CCDC91: variants seen among roughly 807,000 people sequenced by gnomAD.
CCDC91 encodes the protein coiled-coil domain containing 91, also known as coiled-coil domain-containing protein 91.
CCDC91 carries 48 observed loss-of-function variants against 63.2 expected under a neutral mutation model. The observed-to-expected ratio is 0.76, with a 90% CI of 0.60 to 0.97. CCDC91 has a LOEUF of 0.97. Ranked by LOEUF, CCDC91 falls within the 50% of genes least tolerant of loss-of-function variation. CCDC91 has a pLI of 0.00. For missense variants in CCDC91, 500 were observed against 494.6 expected (o/e 1.01, Z -0.10); for synonymous variants, 167 against 165.8 (o/e 1.01, Z -0.06).
chr12:28,504,874 G>A (rs1157944675), intron 12 of CCDC91, among the ~76,000 whole-genome samples: 1 of 151,942 alleles, frequency 6.6e-6, no homozygotes, highest in African/African-American at 2.4e-5. Context: ...AAATTTACCT[G>A]TAGAAATTCT....
intron 1 of CCDC91, among the ~76,000 whole-genome samples, chr12:28,199,355 CCCTT>C (rs532343035): frequency 7.0e-4 from 106 of 152,096 alleles, no homozygotes; most frequent in African/African-American, 2.5e-3. Context: ...ATATTCCCTC[CCCTT>C]CCTTCATGCT....
chr12:28,377,834 T>G (rs573624686), intron 7 of CCDC91, among the ~76,000 whole-genome samples: 6 of 152,064 alleles, frequency 3.9e-5, no homozygotes, highest in African/African-American at 1.4e-4. Context: ...CTTGACTAAG[T>G]TGGTGATCTT....
At chr12:28,493,465 C>T (rs1952118192) in intron 12 of CCDC91, among the ~76,000 whole-genome samples, 1 of 151,620 alleles carries the variant, frequency 6.6e-6, no homozygotes, top group Non-Finnish European at 1.5e-5. Flanking sequence ...GAACTTTGGT[C>T]ACATGTGTAT....
chr12:28,439,733 CTTT>C (rs71438747), intron 8 of CCDC91, among the ~76,000 whole-genome samples: 1 of 133,010 alleles, frequency 7.5e-6, no homozygotes, highest in Non-Finnish European at 1.6e-5. Context: ...TTTCTTTTTT[CTTT>C]TTTTTTTTTT....
chr12:28,436,658 G>A (rs1592670186), intron 8 of CCDC91, among the ~76,000 whole-genome samples: 1 of 151,728 alleles, frequency 6.6e-6, no homozygotes, highest in Non-Finnish European at 1.5e-5. Flanking sequence ...GTCTTGTTGA[G>A]CAGATTTTCT....
chr12:28,474,607 TA>T (rs1225659547), intron 11 of CCDC91, among the ~76,000 whole-genome samples: 3 of 152,054 alleles, frequency 2.0e-5, no homozygotes, highest in Non-Finnish European at 4.4e-5. Context: ...ATAATCTATC[TA>T]AAGAGGGAAG....
chr12:28,342,542 A>G (rs773195098), intron 6 of CCDC91, among the ~76,000 whole-genome samples: 71 of 152,148 alleles, frequency 4.7e-4, no homozygotes, highest in Non-Finnish European at 8.5e-4. Flanking sequence ...GAGAAGATTT[A>G]TTTATTTTTT....
intron 5 of CCDC91, 32 bp from the exon 6 acceptor site, chr12:28,307,613 T>G (rs763640005): frequency 8.8e-7 from 1 of 1,137,348 alleles, no homozygotes; most frequent in Non-Finnish European, 1.3e-6. Context: ...CCATTAAATA[T>G]TACAAAGCTT....
At chr12:28,300,249 A>G (rs1270446997) in intron 3 of CCDC91, among the ~76,000 whole-genome samples, 3 of 151,414 alleles carry the variant, frequency 2.0e-5, no homozygotes, top group Admixed American at 2.0e-4. Flanking sequence ...TGTGTATGAT[A>G]TGATATAAGG....
intron 1 of CCDC91, among the ~76,000 whole-genome samples, chr12:28,216,497 G>T (rs1943568422): frequency 6.6e-6 from 1 of 151,912 alleles, no homozygotes; most frequent in Non-Finnish European, 1.5e-5. Context: ...GAACTTATGT[G>T]TAATGAACTG....
At chr12:28,290,186 T>G (rs1949155284) in intron 3 of CCDC91, among the ~76,000 whole-genome samples, 2 of 152,172 alleles carry the variant, frequency 1.3e-5, no homozygotes, top group African/African-American at 4.8e-5. Context: ...TGAATCTGGG[T>G]GCTCCTGTGT....
At chr12:28,237,208 AATAC>A (rs1028790052) in intron 1 of CCDC91, among the ~76,000 whole-genome samples, 1 of 138,684 alleles carries the variant, frequency 7.2e-6, no homozygotes, top group Non-Finnish European at 1.6e-5. Context: ...CATTTATGTT[AATAC>A]ATACATACAT....
chr12:28,445,528 T>C (rs11049608), intron 8 of CCDC91, among the ~76,000 whole-genome samples: 31,200 of 152,150 alleles, frequency 0.21, 4,199 homozygotes, highest in Non-Finnish European at 0.3. Context: ...CCTAGAAAGC[T>C]GTGGGAAATA....
intron 1 of CCDC91, among the ~76,000 whole-genome samples, chr12:28,227,106 A>C (rs190092139): frequency 2.0e-5 from 3 of 152,220 alleles, no homozygotes; most frequent in South Asian, 4.1e-4. Context: ...TATCATTGTT[A>C]AGCTGTGACT....
intron 11 of CCDC91, among the ~76,000 whole-genome samples, chr12:28,453,900 G>A (rs1949936404): frequency 6.6e-6 from 1 of 151,618 alleles, no homozygotes; most frequent in Non-Finnish European, 1.5e-5. Flanking sequence ...TGGGTAAGAA[G>A]GCATGAAAAA....
At chr12:28,473,038 C>T (rs1257535316) in intron 11 of CCDC91, among the ~76,000 whole-genome samples, 1 of 152,060 alleles carries the variant, frequency 6.6e-6, no homozygotes, top group Non-Finnish European at 1.5e-5. Flanking sequence ...ATGACTACCC[C>T]ATAGTATAAG....
intron 11 of CCDC91, among the ~76,000 whole-genome samples, chr12:28,454,421 A>C (rs1157508942): frequency 6.6e-6 from 1 of 152,134 alleles, no homozygotes; most frequent in East Asian, 1.9e-4. Context: ...ATGGTGTTCC[A>C]ATGCTTGCAG....
At chr12:28,479,665 A>G (rs1373839039) in intron 11 of CCDC91, among the ~76,000 whole-genome samples, 3 of 152,078 alleles carry the variant, frequency 2.0e-5, no homozygotes, top group Non-Finnish European at 4.4e-5. Flanking sequence ...TGTTGGGATT[A>G]CAAACACAGA....
In CCDC91 at chr12:28,543,622, A is replaced by C. The variant is rs1399137546; in HGVS notation, c.1216-5441A>C. On this transcript the variant is annotated intron_variant, in intron 12 of 12. Transcript: ENST00000536442. ...TCTTTTATCCACTTTCATTCCCTAA[A>C]TATTTTTATCTGTGCTTTAAATGCC... Among the ~76,000 whole-genome samples the C allele has an allele frequency of 2.0e-5, 3 of 151,984 alleles. No individual in the cohort carries two copies. The East Asian group carries it at 5.8e-4, about 30-fold the overall frequency.
Sources: gnomAD v4.1 joint callset for allele counts (sites outside exome capture counted in the v4.1 genomes callset) on GRCh38, gnomAD v4.1.1 for gene constraint, MANE v1.5 for transcripts, NCBI Gene and HGNC (gene_info 2026-07-23, HGNC 2026-07-21) for gene names.